Variants in SLC8A1 observed in about 807,000 individuals in gnomAD.
The protein encoded by SLC8A1 is sodium/calcium exchanger 1.
Under a neutral mutation model 68.3 loss-of-function variants are expected in SLC8A1, and 18 were observed. That is an observed-to-expected ratio of 0.26 (90% CI 0.18 to 0.39). The LOEUF is 0.39. Among genes scored for constraint, SLC8A1 ranks in the 10% least tolerant of loss-of-function variants. The probability of loss-of-function intolerance (pLI) is 1.00; values close to 1 mark genes in which losing one functional copy is unlikely to be tolerated. For missense variants in SLC8A1, 985 were observed against 1,156.7 expected, an observed-to-expected ratio of 0.85 and a Z score of 2.15; for synonymous variants, 475 against 415.5, an observed-to-expected ratio of 1.14 and a Z score of -1.74.
chr2:40,264,003 G>GA (rs951652789), intron 2 of SLC8A1, among the ~76,000 whole-genome samples: 12 of 151,964 alleles, frequency 7.9e-5, no homozygotes, highest in African/African-American at 2.4e-4. Context: ...AAATTTACAA[G>GA]AAAAAAACAA....
At chr2:40,106,310 A>C (rs1224761196) in exon 8 of SLC8A1, 1 of 152,232 alleles carries the variant, frequency 6.6e-6, no homozygotes, top group Non-Finnish European at 1.5e-5. Context: ...AAGCCAGGGC[A>C]GGCGGATCAC....
At chr2:40,225,121 T>A (rs1020783102) in intron 2 of SLC8A1, among the ~76,000 whole-genome samples, 14 of 152,246 alleles carry the variant, frequency 9.2e-5, no homozygotes, top group African/African-American at 3.4e-4. Flanking sequence ...GTATCCCACT[T>A]TATCCTCTGA....
intron 2 of SLC8A1, chr2:40,254,593 CTTT>C (rs1281028021): frequency 1.3e-5 from 2 of 151,922 alleles, no homozygotes; most frequent in African/African-American, 2.4e-5. Context: ...TTAAAAATTT[CTTT>C]TTTATTATTT....
chr2:40,348,198 T>G (rs572199961), intron 2 of SLC8A1, among the ~76,000 whole-genome samples: 2 of 152,186 alleles, frequency 1.3e-5, no homozygotes, highest in African/African-American at 4.8e-5. Context: ...TGAAGAAATC[T>G]GAGTTCAAAC....
chr2:40,506,787 C>T (rs1706398147), intron 1 of SLC8A1, among the ~76,000 whole-genome samples: 2 of 151,964 alleles, frequency 1.3e-5, no homozygotes, highest in African/African-American at 4.8e-5. Flanking sequence ...ATAGCAAAAT[C>T]ATCTCTGGGA....
chr2:40,295,168 T>C (rs1169302608), intron 2 of SLC8A1, among the ~76,000 whole-genome samples: 1 of 152,080 alleles, frequency 6.6e-6, no homozygotes, highest in Non-Finnish European at 1.5e-5. Context: ...GGTGCAATCA[T>C]GGCTCACTGC....
chr2:40,404,217 T>A (rs1689637585), intron 2 of SLC8A1, among the ~76,000 whole-genome samples: 1 of 152,158 alleles, frequency 6.6e-6, no homozygotes, highest in Non-Finnish European at 1.5e-5. Flanking sequence ...CTATAGCTTT[T>A]ACACTTGTCC....
In SLC8A1 at chr2:40,190,651, C is replaced by T. The variant is rs746057729; in HGVS notation, c.1809-12796G>A. 5 of 152,174 alleles carry T rather than the reference C, an allele frequency of 3.3e-5. 1 individual carries two copies. In the South Asian group the frequency reaches 8.3e-4, roughly 25 times the overall value. The allele number at this position is 152,174 out of a possible 1,614,324, so 9.4% of individuals were successfully genotyped here. ...TGCCTTATAAATTCAATGGCTCATG[C>T]AATGCAAACAAATACTTCCTTTAGT... On this transcript the variant is annotated intron_variant, in intron 2 of 7. Coordinates refer to ENST00000406785, the Ensembl canonical transcript of SLC8A1.
intron 2 of SLC8A1, among the ~76,000 whole-genome samples, chr2:40,246,207 T>A (rs380590): frequency 6.6e-6 from 1 of 152,072 alleles, no homozygotes; most frequent in Non-Finnish European, 1.5e-5. Flanking sequence ...TTGGATATGG[T>A]TGGTTACACA....
At chr2:40,150,067 A>AT (rs1185406546) in intron 6 of SLC8A1, among the ~76,000 whole-genome samples, 1 of 151,488 alleles carries the variant, frequency 6.6e-6, no homozygotes, top group Non-Finnish European at 1.5e-5. Context: ...AAAAAAAAAA[A>AT]AAAAGGCAAG....
intron 2 of SLC8A1, among the ~76,000 whole-genome samples, chr2:40,326,597 C>T (rs760916436): frequency 6.6e-5 from 10 of 152,142 alleles, no homozygotes; most frequent in Non-Finnish European, 1.5e-4. Flanking sequence ...CTTTCTCTTT[C>T]TAACTTTCGA....
intron 2 of SLC8A1, among the ~76,000 whole-genome samples, chr2:40,371,436 T>G (rs1267060667): frequency 1.3e-5 from 2 of 152,118 alleles, no homozygotes; most frequent in African/African-American, 4.8e-5. Flanking sequence ...AGTTTCTCAT[T>G]GTGAACATAG....
chr2:40,417,701 C>T (rs1381777083), intron 2 of SLC8A1, among the ~76,000 whole-genome samples: 1 of 152,022 alleles, frequency 6.6e-6, no homozygotes, highest in African/African-American at 2.4e-5. Flanking sequence ...CTAGTATGGC[C>T]CCAAAGCGTG....
intron 3 of SLC8A1, chr2:40,177,705 G>C (rs2048725703): frequency 1.7e-6 from 2 of 1,154,812 alleles, no homozygotes; most frequent in Non-Finnish European, 2.5e-6. Flanking sequence ...GACACGGAGA[G>C]AGAAGAGTAC....
chr2:40,220,554 T>C (rs1260599942), intron 2 of SLC8A1, among the ~76,000 whole-genome samples: 2 of 152,198 alleles, frequency 1.3e-5, no homozygotes, highest in East Asian at 3.9e-4. Flanking sequence ...CTGTTTTATT[T>C]TCCTGACAAA....
chr2:40,258,561 C>T (rs904679499), intron 2 of SLC8A1, among the ~76,000 whole-genome samples: 14 of 152,128 alleles, frequency 9.2e-5, no homozygotes, highest in South Asian at 2.1e-4. Context: ...CTTTACTGGC[C>T]GGGCACTGGT....
chr2:40,453,524 G>A (rs41281449), upstream of SLC8A1: 8 of 152,164 alleles, frequency 5.3e-5, no homozygotes, highest in African/African-American at 1.9e-4. Flanking sequence ...CCCTGTGCCA[G>A]TGGCTCTCAA....
chr2:40,239,574 C>G (rs1395891941), intron 2 of SLC8A1, among the ~76,000 whole-genome samples: 2 of 152,294 alleles, frequency 1.3e-5, no homozygotes, highest in Admixed American at 1.3e-4. Flanking sequence ...CTCTCCTCCT[C>G]CCATGCACAG....
intron 4 of SLC8A1, among the ~76,000 whole-genome samples, chr2:40,166,859 C>T (rs1173653906): frequency 6.6e-6 from 1 of 152,148 alleles, no homozygotes; most frequent in Non-Finnish European, 1.5e-5. Context: ...TTACACAGAA[C>T]AAGAATGGTT....
Sources: allele counts gnomAD v4.1 joint callset (sites outside exome capture counted in the v4.1 genomes callset), GRCh38; gene constraint gnomAD v4.1.1; transcripts MANE v1.5; gene names NCBI Gene and HGNC (gene_info 2026-07-23, HGNC 2026-07-21).